The following KRABD5 variants were observed in gnomAD, a reference collection of about 807,000 sequenced individuals.
KRABD5 encodes KRAB domain containing 5, also known as KRAB domain-containing protein 5.
At chr16:31,740,544 G>C in the KRABD5 span, among the ~76,000 whole-genome samples, 1 of 151,968 alleles carries the variant, frequency 6.6e-6, no homozygotes, top group African/African-American at 2.4e-5. Flanking sequence ...AGAGTGGTGT[G>C]TGCATGTAAT....
chr16:31,722,168 G>C, the KRABD5 span, among the ~76,000 whole-genome samples: 1 of 152,118 alleles, frequency 6.6e-6, no homozygotes, highest in Admixed American at 6.5e-5. Context: ...TCCACTTCCT[G>C]GTTCAAGTGA....
the KRABD5 span, chr16:31,759,710 A>G: frequency 3.3e-5 from 7 of 214,120 alleles, no homozygotes; most frequent in East Asian, 1.0e-4. Context: ...TTCGTTTACA[A>G]TGTTAGCTCA....
the KRABD5 span, chr16:31,714,470 A>C: frequency 4.4e-6 from 2 of 454,458 alleles, no homozygotes; most frequent in Non-Finnish European, 8.8e-6. Context: ...GAGTGGAGGA[A>C]GGTCTGACGT....
At chr16:31,718,693 C>T in the KRABD5 span, among the ~76,000 whole-genome samples, 121 of 152,296 alleles carry the variant, frequency 7.9e-4, no homozygotes, top group African/African-American at 2.8e-3. Flanking sequence ...TAATACTACA[C>T]GTGGATCCAG....
At chr16:31,728,937 T>C in the KRABD5 span, among the ~76,000 whole-genome samples, 1 of 152,242 alleles carries the variant, frequency 6.6e-6, no homozygotes, top group Non-Finnish European at 1.5e-5. Flanking sequence ...TAATGTATGC[T>C]TTATATATTT....
chr16:31,759,625 T>G, the KRABD5 span: 1 of 451,698 alleles, frequency 2.2e-6, no homozygotes. Context: ...GGTACATGAT[T>G]AGTAGTTGAA....
the KRABD5 span, among the ~76,000 whole-genome samples, chr16:31,747,904 G>A: frequency 1.3e-5 from 2 of 152,180 alleles, no homozygotes; most frequent in South Asian, 2.1e-4. Flanking sequence ...TTTGTCAGAT[G>A]AGTAGATTGC....
the KRABD5 span, among the ~76,000 whole-genome samples, chr16:31,752,445 C>T: frequency 6.6e-6 from 1 of 151,988 alleles, no homozygotes; most frequent in Non-Finnish European, 1.5e-5. Context: ...TTATGAATCT[C>T]GGTGCTCCGA....
chr16:31,732,969 T>C, the KRABD5 span, among the ~76,000 whole-genome samples: 8 of 152,190 alleles, frequency 5.3e-5, no homozygotes, highest in African/African-American at 1.7e-4. Flanking sequence ...CTAAAATTTC[T>C]CTTATTCTTG....
chr16:31,754,983 A>G, the KRABD5 span: 2 of 461,322 alleles, frequency 4.3e-6, no homozygotes, highest in East Asian at 1.4e-4. Flanking sequence ...GCGTGTAGCA[A>G]ATGTTTTACT....
the KRABD5 span, among the ~76,000 whole-genome samples, chr16:31,727,847 C>G: frequency 6.6e-6 from 1 of 151,952 alleles, no homozygotes; most frequent in African/African-American, 2.4e-5. Context: ...ACTCATCCTT[C>G]TTTCTTTTAT....
the KRABD5 span, among the ~76,000 whole-genome samples, chr16:31,716,144 G>T: frequency 6.6e-6 from 1 of 152,140 alleles, no homozygotes; most frequent in Non-Finnish European, 1.5e-5. Context: ...CAGGTGCCTA[G>T]AGGACTCCTG....
the KRABD5 span, chr16:31,723,236 G>A: frequency 6.2e-7 from 1 of 1,607,922 alleles, no homozygotes; most frequent in Non-Finnish European, 8.5e-7. Flanking sequence ...CAAGAGTCAT[G>A]TGACTTTTTC....
At chr16:31,755,421 C>T in the KRABD5 span, 205 of 488,060 alleles carry the variant, frequency 4.2e-4, no homozygotes, top group Admixed American at 9.6e-4. Flanking sequence ...AACTGTAGTT[C>T]ATCCCTTACT....
chr16:31,758,711 T>C, the KRABD5 span: 1 of 151,624 alleles, frequency 6.6e-6, no homozygotes, highest in Non-Finnish European at 1.5e-5. Context: ...GAAGCAGAAG[T>C]TGTTTTGAGC....
At chr16:31,718,204 C>T in the KRABD5 span, among the ~76,000 whole-genome samples, 1 of 152,066 alleles carries the variant, frequency 6.6e-6, no homozygotes, top group Admixed American at 6.5e-5. Flanking sequence ...CTGGGGTTCT[C>T]CAGGATGTGT....
chr16:31,724,059 TA>T, the KRABD5 span, among the ~76,000 whole-genome samples: 6 of 152,200 alleles, frequency 3.9e-5, no homozygotes, highest in East Asian at 1.2e-3. Flanking sequence ...AATGAATGTC[TA>T]TGGGAAGCTT....
chr16:31,735,692 C>T, the KRABD5 span, among the ~76,000 whole-genome samples: 677 of 152,220 alleles, frequency 4.4e-3, 7 homozygotes, highest in African/African-American at 0.016. Flanking sequence ...TCTGTTTATG[C>T]ACCTTTTGGC....
chr16:31,759,375 G>GA, the KRABD5 span: 1,004,223 of 1,526,276 alleles, frequency 0.66, 340,065 homozygotes, highest in Non-Finnish European at 0.7. Context: ...ATCCTATGGT[G>GA]AAAAAAATCA....
Sources: allele counts gnomAD v4.1 joint callset (sites outside exome capture counted in the v4.1 genomes callset), GRCh38; gene constraint gnomAD v4.1.1; transcripts MANE v1.5; gene names NCBI Gene and HGNC (gene_info 2026-07-23, HGNC 2026-07-21).